ADARB2: variants seen among roughly 807,000 people sequenced by gnomAD.
ADARB2 encodes inactive double-stranded RNA-specific editase B2.
In ADARB2, 25 loss-of-function variants were observed where a neutral mutation model predicts 62.2. The ratio of observed to expected loss-of-function variants is 0.40; its 90% confidence interval spans 0.29 to 0.56. ADARB2 has a LOEUF of 0.56. Ranked by LOEUF, ADARB2 falls within the 20% of genes least tolerant of loss-of-function variation. The pLI is 0.43. For missense variants in ADARB2, 1,071 were observed against 1,077.4 expected (o/e 0.99, Z 0.08); for synonymous variants, 572 against 500.8 (o/e 1.14, Z -1.90).
chr10:1,456,338 G>T (rs1456300247), intron 1 of ADARB2, among the ~76,000 whole-genome samples: 2 of 152,098 alleles, frequency 1.3e-5, no homozygotes, highest in Admixed American at 1.3e-4. Context: ...AACCAACCAA[G>T]TCACTTCCTT....
chr10:1,221,400 T>C (rs1830693649), intron 6 of ADARB2, among the ~76,000 whole-genome samples: 1 of 137,538 alleles, frequency 7.3e-6, no homozygotes, highest in African/African-American at 2.8e-5. Flanking sequence ...AGATGCTCAT[T>C]TCTTTTTTTT....
intron 4 of ADARB2, among the ~76,000 whole-genome samples, chr10:1,268,915 T>G (rs1308083477): frequency 1.3e-5 from 2 of 152,216 alleles, no homozygotes; most frequent in East Asian, 3.8e-4. Flanking sequence ...AACATTACTA[T>G]TTTCCACATG....
rs538329035 is a variant in ADARB2, at chr10:1,704,072, C to T, written c.100+32979G>A. Among the ~76,000 whole-genome samples, 2 of 152,310 alleles carry T rather than the reference C, an allele frequency of 1.3e-5. No individual in the cohort carries two copies. The highest frequency in any genetic ancestry group is 3.9e-4 in the East Asian group (2 of 5,180). ...TTAAAAGAACAAACACTATATCTAA[C>T]TTCCTGTGGGTCAGGAATCCAGGAG... On this transcript the variant is annotated intron_variant, in intron 1 of 9. Coordinates refer to ENST00000381312, the MANE Select transcript of ADARB2 (RefSeq NM_018702.4). This position sits in a 1 kb window ranked among gnomAD's most constrained non-coding sequence, Gnocchi z 5.6.
rs57313706 is a variant in ADARB2 at position 1,678,404 on chromosome 10, C to T, written c.100+58647G>A. Reference sequence around the variant, plus strand: ...TCGGGCTGAGTGTCCTTGGGGTGAGCGTCTGCGCACCTTCCCTTTCAGCAC... The same window carrying T: ...TCGGGCTGAGTGTCCTTGGGGTGAGTGTCTGCGCACCTTCCCTTTCAGCAC... On this transcript the variant is annotated intron_variant, in intron 1 of 9. Coordinates refer to ENST00000381312, the MANE Select transcript of ADARB2 (RefSeq NM_018702.4). 1,101 of 890,992 alleles carry T rather than the reference C, an allele frequency of 1.2e-3. 11 individuals are homozygous for T. In the African/African-American group the frequency reaches 0.019, roughly 15 times the overall value. 55.2% of individuals were successfully genotyped at this position (890,992 alleles called of 1,614,324 possible).
At chr10:1,547,582 G>A (rs1259302934) in intron 1 of ADARB2, among the ~76,000 whole-genome samples, 2 of 98,328 alleles carry the variant, frequency 2.0e-5, no homozygotes, top group Admixed American at 1.1e-4. Context: ...GGGGGAGAGA[G>A]GCTGTGCAAG....
chr10:1,465,571 G>A (rs1012827439), intron 1 of ADARB2, among the ~76,000 whole-genome samples: 2 of 152,216 alleles, frequency 1.3e-5, no homozygotes, highest in African/African-American at 4.8e-5. Context: ...CTCAAGCAAA[G>A]CTGCCTCTGG....
At chr10:1,690,093 G>T (rs1271885838) in intron 1 of ADARB2, among the ~76,000 whole-genome samples, 1 of 152,186 alleles carries the variant, frequency 6.6e-6, no homozygotes, top group Non-Finnish European at 1.5e-5. Flanking sequence ...GCACATTAAG[G>T]TGATAGCTAT....
intron 1 of ADARB2, among the ~76,000 whole-genome samples, chr10:1,465,677 G>C (rs1268645715): frequency 2.0e-5 from 3 of 152,176 alleles, no homozygotes; most frequent in African/African-American, 4.8e-5. Flanking sequence ...AACTTGGGTG[G>C]AGGTTTAAGA....
chr10:1,311,364 A>T (rs892878632), intron 3 of ADARB2, among the ~76,000 whole-genome samples: 2 of 152,226 alleles, frequency 1.3e-5, no homozygotes, highest in Non-Finnish European at 2.9e-5. Flanking sequence ...TTCCAGGAGC[A>T]GGGAATGGCT....
At chr10:1,479,874 C>T (rs1398949305) in intron 1 of ADARB2, among the ~76,000 whole-genome samples, 11 of 152,118 alleles carry the variant, frequency 7.2e-5, no homozygotes, top group East Asian at 1.9e-4. Flanking sequence ...CGAAGGACTC[C>T]GTGCTTAAGC....
intron 3 of ADARB2, among the ~76,000 whole-genome samples, chr10:1,352,379 C>T (rs920425408): frequency 4.6e-5 from 7 of 152,162 alleles, no homozygotes; most frequent in African/African-American, 7.2e-5. Context: ...ATCCTTTCCC[C>T]ACTCCTCTTC....
chr10:1,727,601 C>A (rs975404906), intron 1 of ADARB2, among the ~76,000 whole-genome samples: 3 of 151,952 alleles, frequency 2.0e-5, no homozygotes, highest in African/African-American at 7.3e-5. Context: ...TACATTTTAA[C>A]GGTTTAGTTT....
chr10:1,298,612 G>A (rs963399341), intron 3 of ADARB2, among the ~76,000 whole-genome samples: 5 of 152,044 alleles, frequency 3.3e-5, no homozygotes, highest in East Asian at 3.8e-4. Flanking sequence ...CAGGACACAC[G>A]TGGATGGAGA....
Position 1,225,134 on chromosome 10 carries a change from C to T in ADARB2, c.1514-8015G>A, listed in dbSNP as rs560680183. On this transcript the variant is annotated intron_variant, in intron 6 of 9. Coordinates refer to ENST00000381312, the MANE Select transcript of ADARB2 (RefSeq NM_018702.4). Reference sequence around the variant, plus strand: ...GTGCATATATATTTAGGATAGTTAGCTCTTCTTGTTGAATTGATCCCTTTA... The same window carrying T: ...GTGCATATATATTTAGGATAGTTAGTTCTTCTTGTTGAATTGATCCCTTTA... 8.8e-3 allele frequency among the ~76,000 whole-genome samples: 1,341 copies of T among 151,858 alleles called. 19 individuals are homozygous for T. Among genetic ancestry groups the T allele is most frequent in the African/African-American group, 0.031 (1,264 of 41,174 alleles).
chr10:1,395,616 G>A (rs1388824066), intron 1 of ADARB2, among the ~76,000 whole-genome samples: 3 of 152,216 alleles, frequency 2.0e-5, no homozygotes, highest in African/African-American at 7.2e-5. Context: ...CAGTGCAGGG[G>A]CTGTGAGACT....
intron 3 of ADARB2, among the ~76,000 whole-genome samples, chr10:1,303,996 A>C (rs1169922130): frequency 1.1e-4 from 17 of 152,048 alleles, no homozygotes; most frequent in Admixed American, 7.2e-4. Context: ...CTAACATCAT[A>C]ATGACAGGAT....
chr10:1,328,577 T>C (rs1831898402), intron 3 of ADARB2, among the ~76,000 whole-genome samples: 1 of 152,132 alleles, frequency 6.6e-6, no homozygotes, highest in Non-Finnish European at 1.5e-5. Context: ...TTGCAGACAT[T>C]CCTGGAGCGG....
intron 1 of ADARB2, among the ~76,000 whole-genome samples, chr10:1,620,854 T>A (rs1833696255): frequency 6.6e-6 from 1 of 152,160 alleles, no homozygotes; most frequent in African/African-American, 2.4e-5. Context: ...CAAATAAAGA[T>A]CAGACACCTG....
chr10:1,294,443 G>T (rs1232133440), intron 3 of ADARB2, among the ~76,000 whole-genome samples: 1 of 152,194 alleles, frequency 6.6e-6, no homozygotes, highest in Admixed American at 6.5e-5. Context: ...CACACTCTGA[G>T]TGTGTGCTGA....
Sources: gnomAD v4.1 joint callset for allele counts (sites outside exome capture counted in the v4.1 genomes callset) on GRCh38, gnomAD v4.1.1 for gene constraint, Gnocchi (gnomAD v3.1) non-coding constraint, MANE v1.5 for transcripts, NCBI Gene and HGNC (gene_info 2026-07-23, HGNC 2026-07-21) for gene names.